HRH1: variants seen among roughly 807,000 people sequenced by gnomAD.
HRH1 encodes the protein histamine H1 receptor.
Under a neutral mutation model 10.3 loss-of-function variants are expected in HRH1, and 6 were observed. That is an observed-to-expected ratio of 0.58 (90% CI 0.32 to 1.15). The LOEUF (loss-of-function observed/expected upper bound fraction) is 1.15. HRH1 is among the 50% of genes most tolerant of loss of function. The probability of loss-of-function intolerance (pLI) is 0.05; values close to 1 mark genes in which losing one functional copy is unlikely to be tolerated. For synonymous variants in HRH1, 242 were observed against 236.7 expected (o/e 1.02, Z -0.21); for missense variants, 514 against 615.3 (o/e 0.84, Z 1.74).
intron 1 of HRH1, among the ~76,000 whole-genome samples, chr3:11,142,680 C>G (rs899838388): frequency 1.8e-4 from 28 of 152,094 alleles, no homozygotes; most frequent in African/African-American, 6.5e-4. Context: ...TTTGGGAGGC[C>G]AAGACAGGCA....
chr3:11,183,453 G>A (rs1042343879), intron 1 of HRH1, among the ~76,000 whole-genome samples: 8 of 152,122 alleles, frequency 5.3e-5, no homozygotes, highest in East Asian at 1.9e-4. Context: ...GGTAGGGGTC[G>A]GGGATGCTCC....
chr3:11,214,463 T>C (rs1309203415), intron 1 of HRH1, among the ~76,000 whole-genome samples: 1 of 152,222 alleles, frequency 6.6e-6, no homozygotes, highest in African/African-American at 2.4e-5. Context: ...TGGTGGGATT[T>C]CTGGGCACTG....
intron 1 of HRH1, among the ~76,000 whole-genome samples, chr3:11,206,895 G>A (rs1048481343): frequency 2.0e-5 from 3 of 152,218 alleles, no homozygotes; most frequent in African/African-American, 7.2e-5. Flanking sequence ...GACGGAATAG[G>A]GTGGGAGAGC....
intron 1 of HRH1, among the ~76,000 whole-genome samples, chr3:11,138,895 A>G (rs1936237327): frequency 6.6e-6 from 1 of 151,146 alleles, no homozygotes; most frequent in Admixed American, 6.6e-5. Context: ...AGCTGGTGTC[A>G]AACTCCTGGG....
At chr3:11,230,878 C>T (rs1413446802) in intron 1 of HRH1, among the ~76,000 whole-genome samples, 1 of 152,132 alleles carries the variant, frequency 6.6e-6, no homozygotes, top group Non-Finnish European at 1.5e-5. Context: ...ACTCAATTTC[C>T]TCCAGTGGTA....
At chr3:11,164,563 A>G (rs1936994789) in intron 1 of HRH1, among the ~76,000 whole-genome samples, 1 of 150,350 alleles carries the variant, frequency 6.7e-6, no homozygotes, top group Non-Finnish European at 1.5e-5. Flanking sequence ...TCTTGCACAC[A>G]AAGATATTTC....
At chr3:11,211,274 G>A (rs1272181015) in intron 1 of HRH1, among the ~76,000 whole-genome samples, 1 of 152,032 alleles carries the variant, frequency 6.6e-6, no homozygotes, top group Admixed American at 6.5e-5. Flanking sequence ...AGCAATGTTG[G>A]TGCCCAAAGC....
In HRH1 at chr3:11,145,173, C is replaced by T. The variant is rs1174704511; in HGVS notation, c.-36+7774C>T. Among the ~76,000 whole-genome samples the T allele has an allele frequency of 2.0e-5, 3 of 152,264 alleles. No individual in the cohort carries two copies. In the East Asian group the frequency reaches 5.8e-4, roughly 29 times the overall value. On this transcript the variant is annotated intron_variant, in intron 1 of 1. Transcript: ENST00000438284. The stretch of plus-strand genomic sequence containing the variant: ...GAGTGGCCTCCTTAAAGTCCAACTC[C>T]AATCACAACTCTGCGGGGCCTCCCT...
At chr3:11,196,074 G>C (rs979690675) in intron 1 of HRH1, among the ~76,000 whole-genome samples, 4 of 152,212 alleles carry the variant, frequency 2.6e-5, no homozygotes. Context: ...CAGCCAGAGT[G>C]ATCTCTTCAA....
chr3:11,203,109 G>A (rs1417274214), intron 1 of HRH1, among the ~76,000 whole-genome samples: 1 of 152,154 alleles, frequency 6.6e-6, no homozygotes, highest in African/African-American at 2.4e-5. Context: ...ACATTGAATA[G>A]TATCTCATTA....
chr3:11,243,278 T>C (rs758707177), intron 1 of HRH1, among the ~76,000 whole-genome samples: 1 of 152,168 alleles, frequency 6.6e-6, no homozygotes, highest in Non-Finnish European at 1.5e-5. Context: ...TGTGCCAGCC[T>C]GGTGCCAGGC....
At chr3:11,255,889 C>A (rs975283337) in intron 1 of HRH1, among the ~76,000 whole-genome samples, 4 of 152,200 alleles carry the variant, frequency 2.6e-5, no homozygotes, top group African/African-American at 4.8e-5. Flanking sequence ...TTTCCCTTTA[C>A]CTTAAGTGAT....
chr3:11,158,192 C>T lies in HRH1; in HGVS notation c.-36+3638C>T, dbSNP rs114559442. Among the ~76,000 whole-genome samples the T allele has an allele frequency of 2.7e-3, 413 of 152,252 alleles. 2 individuals are homozygous for T. The highest frequency in any genetic ancestry group is 8.4e-3 in the African/African-American group (349 of 41,544). ...TGAACAGAATAAACATTCAGCAATG[C>T]CCTTGATGATAAATAGATGGGCATA... On this transcript the variant is annotated intron_variant, in intron 1 of 1. Transcript: ENST00000431010.
intron 1 of HRH1, among the ~76,000 whole-genome samples, chr3:11,207,084 G>T (rs918800915): frequency 5.3e-5 from 8 of 152,188 alleles, no homozygotes; most frequent in Non-Finnish European, 1.2e-4. Context: ...GGCACAGCAG[G>T]TGCAGTGGCA....
At chr3:11,202,197 A>G (rs1242915522) in intron 1 of HRH1, among the ~76,000 whole-genome samples, 2 of 152,180 alleles carry the variant, frequency 1.3e-5, no homozygotes, top group Non-Finnish European at 2.9e-5. Flanking sequence ...TGAGGTCAGG[A>G]GTTCATGACC....
At chr3:11,192,855 T>A (rs1018816345) in intron 1 of HRH1, among the ~76,000 whole-genome samples, 3 of 152,164 alleles carry the variant, frequency 2.0e-5, no homozygotes, top group African/African-American at 7.2e-5. Context: ...TGTCCCTTCA[T>A]CCATCAGAGC....
Position 11,246,596 on chromosome 3 carries a change from A to AT in HRH1, c.-35-12400dup, listed in dbSNP as rs573273657. On this transcript the variant is annotated intron_variant, in intron 1 of 1. Transcript: ENST00000431010. ...CTGACGAGAACTATCCATTCAAGCT[A>AT]TTTTTTTATTCATTTCACAGTACAT... is the stretch of plus-strand genomic sequence containing the variant. Among the ~76,000 whole-genome samples, 39 of 152,272 alleles carry AT rather than the reference A, an allele frequency of 2.6e-4. No individual in the cohort carries two copies. The South Asian group carries it at 4.4e-3, about 17-fold the overall frequency.
At chr3:11,142,912 T>C (rs1288736916) in intron 1 of HRH1, among the ~76,000 whole-genome samples, 2 of 151,376 alleles carry the variant, frequency 1.3e-5, no homozygotes, top group Admixed American at 6.6e-5. Flanking sequence ...AGACTCTGTT[T>C]TGGAAAAAAA....
chr3:11,202,436 A>AAATAAATAAATG (rs2125028393), intron 1 of HRH1, among the ~76,000 whole-genome samples: 1 of 132,526 alleles, frequency 7.5e-6, no homozygotes, highest in East Asian at 2.6e-4. Context: ...ATAAATAAAT[A>AAATAAATAAATG]ATTAATTAAA....
Sources: gnomAD v4.1 joint callset for allele counts (sites outside exome capture counted in the v4.1 genomes callset) on GRCh38, gnomAD v4.1.1 for gene constraint, MANE v1.5 for transcripts, NCBI Gene and HGNC (gene_info 2026-07-23, HGNC 2026-07-21) for gene names.